PHACTR1: variants seen among roughly 807,000 people sequenced by gnomAD.
The protein encoded by PHACTR1 is RPEL repeat containing 1.
PHACTR1 carries 16 observed loss-of-function variants against 69.2 expected under a neutral mutation model. That is an observed-to-expected ratio of 0.23 (90% CI 0.16 to 0.35). PHACTR1 has a LOEUF of 0.35. Among genes scored for constraint, PHACTR1 ranks in the 10% least tolerant of loss-of-function variants. The pLI is 1.00. For synonymous variants in PHACTR1, 312 were observed against 284.5 expected (o/e 1.10, Z -0.97); for missense variants, 510 against 734.7 (o/e 0.69, Z 3.54).
chr6:12,884,591 C>T lies in PHACTR1; in HGVS notation c.250+134801C>T, dbSNP rs190569635. On this transcript the variant is annotated intron_variant, in intron 4 of 14. Coordinates refer to ENST00000332995, the MANE Select transcript of PHACTR1 (RefSeq NM_030948.6). Reference sequence around the variant, plus strand: ...AATTTTTTTGTATTTTTAGTAGAGACAGGGTTTCACCATGTTAGCCAGGAT... The same window carrying T: ...AATTTTTTTGTATTTTTAGTAGAGATAGGGTTTCACCATGTTAGCCAGGAT... Among the ~76,000 whole-genome samples, 280 of 152,172 alleles carry T rather than the reference C, an allele frequency of 1.8e-3. 1 individual carries two copies. Among genetic ancestry groups the T allele is most frequent in the African/African-American group, 6.6e-3 (274 of 41,510 alleles).
Position 13,287,088 on chromosome 6 carries a change from T to A in PHACTR1, c.*10T>A. On this transcript the variant is annotated 3_prime_UTR_variant, in exon 15 of 15. Transcript: ENST00000332995. ...GTTTCACCGACCTTAACAGTCGAAT[T>A]CCTCTTGAGTGCTATGCTGTCTTCA... The A allele has an allele frequency of 6.2e-7, 1 of 1,603,370 alleles. No individual in the cohort carries two copies. The highest frequency in any genetic ancestry group is 1.1e-5 in the South Asian group (1 of 89,030).
intron 4 of PHACTR1, among the ~76,000 whole-genome samples, chr6:12,877,657 C>T (rs1327120696): frequency 2.6e-5 from 4 of 152,220 alleles, no homozygotes; most frequent in South Asian, 2.1e-4. Context: ...TGTGGCTCTG[C>T]GTTTGCTCCC....
chr6:12,792,578 C>T (rs1387752533), intron 4 of PHACTR1, among the ~76,000 whole-genome samples: 1 of 150,464 alleles, frequency 6.6e-6, no homozygotes, highest in African/African-American at 2.4e-5. Context: ...CTATAGACCT[C>T]ACAATCATGC....
intron 7 of PHACTR1, among the ~76,000 whole-genome samples, chr6:13,190,417 T>C (rs1391515625): frequency 1.3e-5 from 2 of 152,030 alleles, no homozygotes; most frequent in Non-Finnish European, 2.9e-5. Context: ...ATTACTTCCT[T>C]ACTCCAAATA....
chr6:13,005,873 A>T (rs1047263950), intron 4 of PHACTR1, among the ~76,000 whole-genome samples: 1 of 150,722 alleles, frequency 6.6e-6, no homozygotes, highest in Non-Finnish European at 1.5e-5. Context: ...CCCCACAATT[A>T]TGTTGCATGT....
Position 13,179,001 on chromosome 6 carries a change from C to G in PHACTR1, c.497-3518C>G, listed in dbSNP as rs141135773. Among the ~76,000 whole-genome samples the G allele has an allele frequency of 6.6e-6, 1 of 152,024 alleles. No homozygotes were observed. Among genetic ancestry groups the G allele is most frequent in the South Asian group, 2.1e-4 (1 of 4,822 alleles). ...CTGTAATCCCAGCACTTTGGGAGGC[C>G]GAGGTGGGTGGATCACTTGAGTCAA... is the stretch of plus-strand genomic sequence containing the variant. On this transcript the variant is annotated intron_variant, in intron 6 of 14. Transcript: ENST00000332995. This position sits in a 1 kb window ranked among gnomAD's most constrained non-coding sequence, Gnocchi z 4.2.
chr6:12,790,058 G>T (rs1434547399), intron 4 of PHACTR1, among the ~76,000 whole-genome samples: 13 of 151,960 alleles, frequency 8.6e-5, no homozygotes, highest in Admixed American at 3.9e-4. Flanking sequence ...CTCTGAATAA[G>T]TCCCTGTTTC....
At chr6:12,967,764 G>A (rs1582748589) in intron 4 of PHACTR1, among the ~76,000 whole-genome samples, 2 of 152,198 alleles carry the variant, frequency 1.3e-5, no homozygotes, top group South Asian at 4.1e-4. Context: ...TATCCTGGAC[G>A]GAATCAAGTC....
At chr6:13,176,791 A>G (rs1761374747) in intron 6 of PHACTR1, among the ~76,000 whole-genome samples, 1 of 152,190 alleles carries the variant, frequency 6.6e-6, no homozygotes, top group African/African-American at 2.4e-5. Context: ...ATATAGATAT[A>G]AAGCAATTCT....
At chr6:12,897,074 G>T (rs564252086) in intron 4 of PHACTR1, among the ~76,000 whole-genome samples, 24 of 152,300 alleles carry the variant, frequency 1.6e-4, no homozygotes, top group African/African-American at 5.8e-4. Flanking sequence ...AATTTCCCCA[G>T]CAGGGATGAT....
chr6:13,114,935 A>G (rs979363714), intron 5 of PHACTR1, among the ~76,000 whole-genome samples: 2 of 152,206 alleles, frequency 1.3e-5, no homozygotes, highest in African/African-American at 2.4e-5. Flanking sequence ...CTGCATACAT[A>G]TTCTCACAGA....
At chr6:12,719,581 G>A (rs933044563) in intron 3 of PHACTR1, among the ~76,000 whole-genome samples, 2 of 152,120 alleles carry the variant, frequency 1.3e-5, no homozygotes, top group African/African-American at 4.8e-5. Context: ...CTGATGATGG[G>A]CATGTCCCAA....
intron 4 of PHACTR1, among the ~76,000 whole-genome samples, chr6:12,809,326 C>A (rs1195570440): frequency 6.6e-6 from 1 of 152,130 alleles, no homozygotes; most frequent in Non-Finnish European, 1.5e-5. Flanking sequence ...AAATCAATCA[C>A]CCTAGTGCAG....
chr6:12,800,572 A>C (rs913641311), intron 4 of PHACTR1, among the ~76,000 whole-genome samples: 93 of 152,136 alleles, frequency 6.1e-4, no homozygotes, highest in Non-Finnish European at 5.0e-4. Flanking sequence ...TTCGATCTAG[A>C]AAATATTGAG....
At chr6:12,811,423 T>C (rs1257178492) in intron 4 of PHACTR1, among the ~76,000 whole-genome samples, 2 of 152,244 alleles carry the variant, frequency 1.3e-5, no homozygotes, top group East Asian at 3.8e-4. Flanking sequence ...TAATTTGACT[T>C]GTTGAAAGTA....
chr6:13,229,438 A>C (rs1357523475), intron 9 of PHACTR1, among the ~76,000 whole-genome samples: 2 of 152,146 alleles, frequency 1.3e-5, no homozygotes, highest in African/African-American at 4.8e-5. Context: ...GGTTGAAAAG[A>C]AAAAACCCAT....
chr6:12,765,093 G>A (rs6922482), intron 4 of PHACTR1, among the ~76,000 whole-genome samples: 54,942 of 152,006 alleles, frequency 0.36, 10,586 homozygotes, highest in Middle Eastern at 0.47. Context: ...AGTACCTGGC[G>A]TAGTCAATGC....
rs149041701 is a variant in PHACTR1, at chr6:12,949,022, G to A, written c.251-104343G>A. 5.7e-3 allele frequency among the ~76,000 whole-genome samples: 867 copies of A among 152,250 alleles called. 11 individuals are homozygous for A. The highest frequency in any genetic ancestry group is 9.9e-3 in the Non-Finnish European group (674 of 68,002). On this transcript the variant is annotated intron_variant, in intron 4 of 14. Transcript: ENST00000332995. ...GCAATGGCTCACGCCTGTAATCCCA[G>A]CACTTTTGGAGGCCGAGGCGGGCAG... is the stretch of plus-strand genomic sequence containing the variant.
chr6:12,938,237 T>C (rs1294180286), intron 4 of PHACTR1, among the ~76,000 whole-genome samples: 2 of 152,206 alleles, frequency 1.3e-5, no homozygotes, highest in African/African-American at 2.4e-5. Flanking sequence ...TTATTTCCTG[T>C]CCTACTGTTT....
Sources: allele counts gnomAD v4.1 joint callset (sites outside exome capture counted in the v4.1 genomes callset), GRCh38; gene constraint gnomAD v4.1.1; non-coding constraint Gnocchi (gnomAD v3.1); transcripts MANE v1.5; gene names NCBI Gene and HGNC (gene_info 2026-07-23, HGNC 2026-07-21).